Variants in ZNF385D observed in about 807,000 individuals in gnomAD.
ZNF385D encodes zinc finger protein 385D.
Under a neutral mutation model 35.8 loss-of-function variants are expected in ZNF385D, and 15 were observed. The observed-to-expected ratio is 0.42, with a 90% confidence interval of 0.28 to 0.64. The LOEUF is 0.64. ZNF385D is among the 30% of genes least tolerant of loss of function. The probability of loss-of-function intolerance (pLI) is 0.23; values close to 1 mark genes in which losing one functional copy is unlikely to be tolerated. For synonymous variants in ZNF385D, 212 were observed against 186.8 expected (o/e 1.13, Z -1.10); for missense variants, 474 against 494.6 (o/e 0.96, Z 0.39).
intron 3 of ZNF385D, among the ~76,000 whole-genome samples, chr3:21,847,772 T>C (rs1696105300): frequency 6.6e-6 from 1 of 152,036 alleles, no homozygotes; most frequent in African/African-American, 2.4e-5. Context: ...TCTTATTCCT[T>C]TGCAATCAGT....
chr3:22,161,161 T>G (rs942981134), intron 3 of ZNF385D, among the ~76,000 whole-genome samples: 4 of 152,032 alleles, frequency 2.6e-5, no homozygotes, highest in African/African-American at 9.7e-5. Context: ...AATGCTTACC[T>G]AGAAATCTCA....
chr3:22,173,651 G>C (rs775931203), intron 2 of ZNF385D, among the ~76,000 whole-genome samples: 15 of 152,104 alleles, frequency 9.9e-5, no homozygotes, highest in Admixed American at 9.8e-4. Flanking sequence ...GTGATTTGAA[G>C]AATGAGGGAA....
chr3:21,850,353 G>T (rs919223558), intron 3 of ZNF385D, among the ~76,000 whole-genome samples: 1 of 152,008 alleles, frequency 6.6e-6, no homozygotes, highest in African/African-American at 2.4e-5. Flanking sequence ...CTACAATCAC[G>T]ACAGCTTTGT....
At chr3:21,972,099 C>A (rs1307059251) in intron 3 of ZNF385D, among the ~76,000 whole-genome samples, 1 of 151,898 alleles carries the variant, frequency 6.6e-6, no homozygotes, top group East Asian at 1.9e-4. Context: ...GCACTAAGAA[C>A]AAATGGACCC....
At chr3:21,946,670 A>G (rs1179850086) in intron 3 of ZNF385D, among the ~76,000 whole-genome samples, 1 of 152,096 alleles carries the variant, frequency 6.6e-6, no homozygotes, top group African/African-American at 2.4e-5. Context: ...CGTCTCTATT[A>G]AAACTACAAA....
intron 3 of ZNF385D, among the ~76,000 whole-genome samples, chr3:21,992,128 AT>A (rs1695187138): frequency 6.6e-6 from 1 of 152,172 alleles, no homozygotes; most frequent in Non-Finnish European, 1.5e-5. Flanking sequence ...AGTACATTAT[AT>A]TGTTATTAGC....
intron 1 of ZNF385D, among the ~76,000 whole-genome samples, chr3:21,684,462 C>T (rs2067039596): frequency 1.6e-5 from 2 of 122,664 alleles, no homozygotes; most frequent in Non-Finnish European, 3.5e-5. Context: ...CGTAGCTTTA[C>T]ATTCTTTACC....
chr3:22,211,915 C>T (rs1697549363), intron 2 of ZNF385D, among the ~76,000 whole-genome samples: 1 of 151,934 alleles, frequency 6.6e-6, no homozygotes, highest in Non-Finnish European at 1.5e-5. Context: ...TGATTCCTGG[C>T]TTTGACAGAA....
intron 4 of ZNF385D, among the ~76,000 whole-genome samples, chr3:21,493,620 A>G (rs1478862916): frequency 1.3e-5 from 2 of 150,142 alleles, no homozygotes; most frequent in Non-Finnish European, 3.0e-5. Flanking sequence ...AATCCCTTTT[A>G]GGTTAATGGA....
intron 2 of ZNF385D, among the ~76,000 whole-genome samples, chr3:22,359,427 G>A (rs1696312587): frequency 6.6e-6 from 1 of 151,778 alleles, no homozygotes; most frequent in African/African-American, 2.4e-5. Flanking sequence ...TATTTTCAGA[G>A]GCTCTACTAC....
chr3:21,862,411 T>C (rs76936124), intron 3 of ZNF385D, among the ~76,000 whole-genome samples: 2 of 152,092 alleles, frequency 1.3e-5, no homozygotes, highest in South Asian at 2.1e-4. Context: ...CAGCCTGAGA[T>C]TCTTATATCA....
At chr3:21,421,776 C>T (rs1559433399) in intron 7 of ZNF385D, among the ~76,000 whole-genome samples, 1 of 152,132 alleles carries the variant, frequency 6.6e-6, no homozygotes, top group Non-Finnish European at 1.5e-5. Flanking sequence ...TTTTATCACC[C>T]TTTACACATA....
chr3:21,552,849 GATAAAA>G (rs1183867190), intron 3 of ZNF385D, among the ~76,000 whole-genome samples: 2 of 152,178 alleles, frequency 1.3e-5, no homozygotes, highest in Non-Finnish European at 2.9e-5. Flanking sequence ...TAGGTTAGCA[GATAAAA>G]ATAAAGTTGT....
In ZNF385D at chr3:21,510,913, A is replaced by C; in HGVS notation, c.387T>G (p.Thr129=). 6.2e-7 allele frequency: 1 copy of C among 1,614,098 alleles called. No homozygotes were observed. The highest frequency in any genetic ancestry group is 8.5e-7 in the Non-Finnish European group (1 of 1,179,986). The change falls in exon 4 of 8, where the codon ACT becomes ACG. Residue 129 remains threonine (T), a synonymous_variant. Transcript: ENST00000281523. ...KSVTAKDSAK[T]TFTSITTNTI... ...TATTGGTAGTGATGGAGGTGAAGGT[A>C]GTCTTTGCGCTGTCCTTGGCAGTTA...
intron 2 of ZNF385D, among the ~76,000 whole-genome samples, chr3:22,313,479 A>G (rs1222419992): frequency 1.3e-5 from 2 of 152,150 alleles, no homozygotes; most frequent in South Asian, 2.1e-4. Context: ...AATTATGAAT[A>G]AATTTCTATT....
At chr3:22,219,753 T>C (rs1235674910) in intron 2 of ZNF385D, among the ~76,000 whole-genome samples, 1 of 152,186 alleles carries the variant, frequency 6.6e-6, no homozygotes, top group African/African-American at 2.4e-5. Flanking sequence ...TTATACTAAA[T>C]GGAATGAATA....
intron 2 of ZNF385D, among the ~76,000 whole-genome samples, chr3:22,290,050 T>C (rs1157277399): frequency 6.6e-6 from 1 of 152,206 alleles, no homozygotes; most frequent in Non-Finnish European, 1.5e-5. Context: ...AGTGTGATCA[T>C]GCCTATATAG....
chr3:21,946,561 G>C (rs922785501), intron 3 of ZNF385D, among the ~76,000 whole-genome samples: 6 of 148,698 alleles, frequency 4.0e-5, no homozygotes, highest in Non-Finnish European at 7.6e-5. Context: ...GCCAAGCACA[G>C]TGGCTCACAC....
chr3:22,134,680 A>T (rs891900377), intron 3 of ZNF385D, among the ~76,000 whole-genome samples: 1 of 152,210 alleles, frequency 6.6e-6, no homozygotes, highest in Non-Finnish European at 1.5e-5. Flanking sequence ...TATAATTTAC[A>T]ATGAACAGAA....
Sources: allele counts gnomAD v4.1 joint callset (sites outside exome capture counted in the v4.1 genomes callset), GRCh38; gene constraint gnomAD v4.1.1; transcripts MANE v1.5; gene names NCBI Gene and HGNC (gene_info 2026-07-23, HGNC 2026-07-21).